SHMT1: variants seen among roughly 807,000 people sequenced by gnomAD.
SHMT1 encodes the protein serine hydroxymethyltransferase, cytosolic.
A neutral mutation model predicts 49.0 loss-of-function variants in SHMT1; 45 were observed. The ratio of observed to expected loss-of-function variants is 0.92; its 90% CI spans 0.72 to 1.18. SHMT1 has a LOEUF of 1.18. Ranked by LOEUF, SHMT1 falls within the 50% of genes most tolerant of loss-of-function variation. The pLI, the probability that SHMT1 is intolerant of heterozygous loss-of-function variation, is 0.00. For missense variants in SHMT1, 541 were observed against 612.4 expected, an observed-to-expected ratio of 0.88 and a Z score of 1.23; for synonymous variants, 232 against 246.6, an observed-to-expected ratio of 0.94 and a Z score of 0.55.
At chr17:18,343,608 CAAAAAAAAAAAA>C (rs761435848) in intron 5 of SHMT1, among the ~76,000 whole-genome samples, 10 of 46,056 alleles carry the variant, frequency 2.2e-4, no homozygotes, top group Non-Finnish European at 3.4e-4. Context: ...AACTTTGTCT[CAAAAAAAAAAAA>C]AAAAAAAAAA....
rs1984948530 is a variant in SHMT1, at chr17:18,345,124, G to T, written c.519+2372C>A. Among the ~76,000 whole-genome samples the T allele has an allele frequency of 5.3e-5, 8 of 152,194 alleles. No homozygotes were observed. The South Asian group carries it at 1.7e-3, about 32-fold the overall frequency. On this transcript the variant is annotated intron_variant, in intron 5 of 11. Transcript: ENST00000316694. ...AGCTGCACCTCCTGCTGCCCAAGCT[G>T]GCCAGGGTCCCAGGCCCCACCTCTC...
intron 3 of SHMT1, among the ~76,000 whole-genome samples, chr17:18,352,114 G>A (rs187908880): frequency 2.0e-3 from 298 of 150,552 alleles, no homozygotes; most frequent in Middle Eastern, 3.5e-3. Flanking sequence ...TAAAGCACTG[G>A]GATTACAGGG....
In SHMT1 at chr17:18,340,957, T is replaced by C. The variant is rs1049493913; in HGVS notation, c.520-144A>G. 15 of 701,176 alleles carry C rather than the reference T, an allele frequency of 2.1e-5. No individual in the cohort carries two copies. Among genetic ancestry groups the C allele is most frequent in the Non-Finnish European group, 3.6e-5 (14 of 388,136 alleles). 43.4% of individuals were successfully genotyped at this position (701,176 alleles called of 1,614,324 possible). On this transcript the variant is annotated intron_variant, in intron 5 of 11. Transcript: ENST00000316694. This position sits in a 1 kb window ranked among gnomAD's most constrained non-coding sequence, Gnocchi z 4.5. ...CTTGAGGGTGAGACAGGATGGATAC[T>C]GGTGTGTTCAGCCTGCTCAACCAAG... is the stretch of plus-strand genomic sequence containing the variant.
intron 5 of SHMT1, among the ~76,000 whole-genome samples, chr17:18,342,314 G>A (rs1265051402): frequency 6.6e-6 from 1 of 152,050 alleles, no homozygotes; most frequent in Non-Finnish European, 1.5e-5. Flanking sequence ...GACAAATACT[G>A]CATGATCTCA....
Position 18,340,341 on chromosome 17 carries a change from T to A in SHMT1, c.602-86A>T. ...TCACAGTGGCCTCTAGATGTGCAGATCTGAAAGCCCAGAGATTTCTTCCCT... is the reference window on the plus strand; with the variant it reads ...TCACAGTGGCCTCTAGATGTGCAGAACTGAAAGCCCAGAGATTTCTTCCCT... On this transcript the variant is annotated intron_variant, in intron 6 of 11. Coordinates refer to ENST00000316694, the MANE Select transcript of SHMT1 (RefSeq NM_004169.5). This position sits in a 1 kb window ranked among gnomAD's most constrained non-coding sequence, Gnocchi z 4.5. The A allele has an allele frequency of 7.4e-7, 1 of 1,357,232 alleles. No homozygotes were observed. The highest frequency in any genetic ancestry group is 1.0e-6 in the Non-Finnish European group (1 of 957,646). 84.1% of individuals were successfully genotyped at this position (1,357,232 alleles called of 1,614,324 possible). A position where few individuals can be genotyped will look rare whatever the true frequency, so the allele number is the denominator to read the frequency against.
Position 18,356,018 on chromosome 17 carries a change from A to C in SHMT1, c.-19-18T>G. On this transcript the variant is annotated intron_variant, in intron 1 of 11. Coordinates refer to ENST00000316694, the MANE Select transcript of SHMT1 (RefSeq NM_004169.5). ...GAAGCTGCCTAAAAAAATGGGAAAA[A>C]CATGTGTAGCTTCCAGAATTAAATT... 1 of 1,170,080 alleles carries C rather than the reference A, an allele frequency of 8.5e-7. No individual in the cohort carries two copies. The highest frequency in any genetic ancestry group is 2.3e-5 in the East Asian group (1 of 42,560). The allele number at this position is 1,170,080 out of a possible 1,614,324, so 72.5% of individuals were successfully genotyped here.
intron 9 of SHMT1, chr17:18,331,144 A>G (rs777122649): frequency 1.4e-4 from 41 of 302,974 alleles, no homozygotes; most frequent in Non-Finnish European, 2.4e-4. Context: ...TGGTATTATC[A>G]AAGTGGTAAG....
intron 2 of SHMT1, 63 bp from the exon 3 acceptor site, chr17:18,353,880 C>A: frequency 2.1e-6 from 3 of 1,396,436 alleles, no homozygotes; most frequent in Non-Finnish European, 3.1e-6. Context: ...TGCTCTGATC[C>A]AAATTACAAC....
chr17:18,331,534 ATC>A (rs1419786687), intron 9 of SHMT1: 1 of 152,894 alleles, frequency 6.5e-6, no homozygotes, highest in African/African-American at 2.4e-5. Flanking sequence ...TGCAAGCATT[ATC>A]TGTCTCAGCC....
chr17:18,352,231 T>C (rs1985790983), intron 3 of SHMT1, among the ~76,000 whole-genome samples: 1 of 147,812 alleles, frequency 6.8e-6, no homozygotes, highest in South Asian at 2.1e-4. Flanking sequence ...CTGCAAGCTC[T>C]GCCCCCTGGG....
intron 1 of SHMT1, among the ~76,000 whole-genome samples, chr17:18,361,978 T>C (rs951678005): frequency 2.6e-5 from 4 of 152,150 alleles, no homozygotes; most frequent in Admixed American, 6.5e-5. Flanking sequence ...GTAAGTGAAG[T>C]CACCTGCAAG....
chr17:18,337,144 C>T (rs959557875), intron 7 of SHMT1, among the ~76,000 whole-genome samples: 3 of 152,150 alleles, frequency 2.0e-5, no homozygotes, highest in Non-Finnish European at 4.4e-5. Flanking sequence ...TTCATTTAAT[C>T]CTCAAAACAG....
At chr17:18,348,192 T>C (rs1408804180) in intron 4 of SHMT1, 133 bp downstream of exon 4, 17 of 719,212 alleles carry the variant, frequency 2.4e-5, no homozygotes, top group Non-Finnish European at 4.0e-5. Context: ...AGTGCTGGGA[T>C]TACAGGCGTG....
rs1982915899 is a variant in SHMT1 at position 18,329,311 on chromosome 17, C to A, written c.1249G>T (p.Asp417Tyr). The stretch of plus-strand genomic sequence containing the variant: ...ATAAAGTGGGCTACTTTTTGGAAGT[C>A]TTTTTCCAAAAGTCCACGGGACGTC... ...ALTSRGLLEK[D>Y]FQKVAHFIHR... The change falls in exon 11 of 12, where the codon GAC becomes TAC. Residue 417 changes from aspartate to tyrosine, a missense_variant. Asp to Tyr is a radical substitution (Grantham distance 160, BLOSUM62 -3). Transcript: ENST00000316694. The A allele has an allele frequency of 1.9e-6, 3 of 1,613,138 alleles. No homozygotes were observed. The African/African-American group carries it at 4.0e-5, about 22-fold the overall frequency.
intron 5 of SHMT1, chr17:18,341,164 C>G: frequency 3.0e-6 from 1 of 334,134 alleles, no homozygotes; most frequent in Non-Finnish European, 5.7e-6. Flanking sequence ...CCTGCTAATA[C>G]TACTTCTATT....
At position 18,340,930 on chromosome 17, in the gene SHMT1, G is replaced by A. The variant is rs746014169; in HGVS notation, c.520-117C>T. On this transcript the variant is annotated intron_variant, in intron 5 of 11. Transcript: ENST00000316694. This position sits in a 1 kb window ranked among gnomAD's most constrained non-coding sequence, Gnocchi z 4.5. ...CAAGAGGAATGATGTCCTAGATGAGGACTTGAGGGTGAGACAGGATGGATA... is the reference window on the plus strand; with the variant it reads ...CAAGAGGAATGATGTCCTAGATGAGAACTTGAGGGTGAGACAGGATGGATA... The A allele has an allele frequency of 2.2e-5, 17 of 767,974 alleles. No individual in the cohort carries two copies. Among genetic ancestry groups the A allele is most frequent in the Middle Eastern group, 6.8e-4 (2 of 2,948 alleles). 47.6% of individuals were successfully genotyped at this position (767,974 alleles called of 1,614,324 possible).
chr17:18,345,275 G>C (rs1984966275), intron 5 of SHMT1, among the ~76,000 whole-genome samples: 1 of 151,906 alleles, frequency 6.6e-6, no homozygotes, highest in Admixed American at 6.6e-5. Flanking sequence ...TTTTTTTTCT[G>C]GAGATGGAGT....
At chr17:18,342,712 G>A (rs1341960406) in intron 5 of SHMT1, among the ~76,000 whole-genome samples, 1 of 148,424 alleles carries the variant, frequency 6.7e-6, no homozygotes, top group Non-Finnish European at 1.5e-5. Context: ...GAGGCAGGTG[G>A]ACCACCTGAG....
intron 9 of SHMT1, 160 bp from the exon 10 acceptor site, chr17:18,330,831 C>T: frequency 1.5e-6 from 1 of 682,322 alleles, no homozygotes; most frequent in African/African-American, 1.8e-5. Context: ...ACGAGAGATG[C>T]CCGTGCCTAA....
Sources: allele counts gnomAD v4.1 joint callset (sites outside exome capture counted in the v4.1 genomes callset), GRCh38; gene constraint gnomAD v4.1.1; non-coding constraint Gnocchi (gnomAD v3.1); transcripts MANE v1.5; gene names NCBI Gene and HGNC (gene_info 2026-07-23, HGNC 2026-07-21).